PSD3: variants seen among roughly 807,000 people sequenced by gnomAD.
PSD3 encodes the protein PH and SEC7 domain-containing protein 3.
Under a neutral mutation model 105.5 loss-of-function variants are expected in PSD3, and 49 were observed. The observed-to-expected ratio is 0.46, with a 90% CI of 0.37 to 0.59. PSD3 has a LOEUF of 0.59. PSD3 is among the 20% of genes least tolerant of loss of function. PSD3 has a pLI of 0.00. For synonymous variants in PSD3, 557 were observed against 457.8 expected (o/e 1.22, Z -2.77); for missense variants, 1,561 against 1,263.8 (o/e 1.24, Z -3.57).
chr8:19,057,680 C>T (rs1828757400), intron 1 of PSD3, among the ~76,000 whole-genome samples: 2 of 152,096 alleles, frequency 1.3e-5, no homozygotes, highest in African/African-American at 4.8e-5. Context: ...AGAGGGCCTC[C>T]AAGACCCCAA....
At chr8:18,970,951 C>A (rs1210737655) in intron 1 of PSD3, among the ~76,000 whole-genome samples, 1 of 150,834 alleles carries the variant, frequency 6.6e-6, no homozygotes, top group African/African-American at 2.5e-5. Flanking sequence ...TGCACTCCAC[C>A]CTAAGTAAAA....
intron 9 of PSD3, among the ~76,000 whole-genome samples, chr8:18,667,011 G>GT (rs1376450026): frequency 6.6e-6 from 1 of 152,120 alleles, no homozygotes; most frequent in East Asian, 1.9e-4. Flanking sequence ...TGTGTTGGGA[G>GT]TTTTTTCCTT....
intron 9 of PSD3, among the ~76,000 whole-genome samples, chr8:18,657,271 T>G (rs1454481887): frequency 6.6e-6 from 1 of 152,208 alleles, no homozygotes; most frequent in African/African-American, 2.4e-5. Flanking sequence ...AATAGTAAAT[T>G]CACTTTTCAG....
chr8:19,013,691 TCCCGGGACTGCCGAGAGGCGGCGG>T, exon 1 of PSD3: 1 of 1,002,216 alleles, frequency 1.0e-6, no homozygotes, highest in Non-Finnish European at 1.3e-6. Flanking sequence ...TTTGTTGAGC[TCCCGGGACTGCCGAGAGGCGGCGG>T]CCCGCGCGCA....
chr8:19,037,100 G>A (rs1349840043), intron 1 of PSD3, among the ~76,000 whole-genome samples: 1 of 152,208 alleles, frequency 6.6e-6, no homozygotes, highest in African/African-American at 2.4e-5. Flanking sequence ...CTATTGCCAG[G>A]TAACGTATTT....
rs553833772 is a variant in PSD3 at position 18,941,721 on chromosome 8, G to A, written c.22-5579C>T. 2.2e-5 allele frequency among the ~76,000 whole-genome samples: 3 copies of A among 135,344 alleles called. No homozygotes were observed. The South Asian group carries it at 6.9e-4, about 31-fold the overall frequency. The allele number at this position is 135,344 out of a possible 152,430, so 88.8% of individuals were successfully genotyped here. On this transcript the variant is annotated intron_variant, in intron 1 of 15. Transcript: ENST00000327040. ...AGATTCTCACTCTGTCACCCAGGCT[G>A]GAGTGCAATGGTACAATCTTGGCTC...
intron 11 of PSD3, among the ~76,000 whole-genome samples, chr8:18,603,989 T>C (rs1228498201): frequency 6.6e-6 from 1 of 152,200 alleles, no homozygotes; most frequent in African/African-American, 2.4e-5. Context: ...GTTTTCTTTA[T>C]AGCAGTATGA....
chr8:18,866,726 G>A (rs780032965), intron 4 of PSD3, among the ~76,000 whole-genome samples: 1 of 151,134 alleles, frequency 6.6e-6, no homozygotes, highest in Non-Finnish European at 1.5e-5. Context: ...CTCAGCACAG[G>A]GCAGACTGCT....
At chr8:18,640,624 C>T (rs1031684783) in intron 10 of PSD3, among the ~76,000 whole-genome samples, 8 of 152,194 alleles carry the variant, frequency 5.3e-5, no homozygotes, top group African/African-American at 1.7e-4. Flanking sequence ...GAGGCCTTCC[C>T]ACCTCTGCGG....
At chr8:18,878,484 C>T (rs929878022) in intron 2 of PSD3, among the ~76,000 whole-genome samples, 2 of 152,278 alleles carry the variant, frequency 1.3e-5, no homozygotes, top group African/African-American at 4.8e-5. Context: ...AGGAGGCAGC[C>T]CATGAATACC....
rs141598557 is a variant in PSD3, at chr8:18,965,515, C to A, written c.22-29373G>T. Among the ~76,000 whole-genome samples, 4 of 152,272 alleles carry A rather than the reference C, an allele frequency of 2.6e-5. No individual in the cohort carries two copies. The East Asian group carries it at 7.7e-4, about 29-fold the overall frequency. ...CACGCTAGTGAGAAAGGACCCATGC[C>A]CGGTTGCCACTGTGACCATTTACTA... On this transcript the variant is annotated intron_variant, in intron 1 of 15. Coordinates refer to ENST00000327040, the MANE Select transcript of PSD3 (RefSeq NM_015310.4).
In PSD3 at chr8:18,535,888, C is replaced by T. The variant is rs749536396; in HGVS notation, c.2999G>A (p.Ser1000Asn). The change falls in exon 16 of 16, where the codon AGC becomes AAC. Residue 1000 changes from serine to asparagine, a missense_variant. Ser to Asn is a conservative substitution (Grantham distance 46). Coordinates refer to ENST00000327040, the MANE Select transcript of PSD3 (RefSeq NM_015310.4). Reference sequence around the variant, plus strand: ...CGACTTCTTCAGTCCTGCAGCCTCGCTTTCATCGTTACTCAGTAGCTCTTT... The same window carrying T: ...CGACTTCTTCAGTCCTGCAGCCTCGTTTTCATCGTTACTCAGTAGCTCTTT... ...GGKELLSNDE[S>N]EAAGLKKSHS... 1.9e-6 allele frequency: 3 copies of T among 1,614,188 alleles called. No individual in the cohort carries two copies. Among genetic ancestry groups the T allele is most frequent in the South Asian group, 1.1e-5 (1 of 91,078 alleles).
intron 4 of PSD3, among the ~76,000 whole-genome samples, chr8:18,859,484 G>A (rs560883975): frequency 6.6e-6 from 1 of 152,134 alleles, no homozygotes; most frequent in Non-Finnish European, 1.5e-5. Context: ...TTTAAGAAAA[G>A]GCGATGCCTC....
At chr8:18,990,529 T>G (rs1825734460) in intron 1 of PSD3, among the ~76,000 whole-genome samples, 1 of 152,204 alleles carries the variant, frequency 6.6e-6, no homozygotes, top group Non-Finnish European at 1.5e-5. Context: ...CAGCAATCCT[T>G]CTCCTGGTAA....
At chr8:18,820,941 G>A (rs1281655407) in intron 4 of PSD3, among the ~76,000 whole-genome samples, 3 of 152,020 alleles carry the variant, frequency 2.0e-5, no homozygotes, top group African/African-American at 7.3e-5. Context: ...GTAGACACAG[G>A]GGCTCATGAT....
chr8:19,074,122 G>A (rs1203828734), intron 1 of PSD3, among the ~76,000 whole-genome samples: 1 of 152,142 alleles, frequency 6.6e-6, no homozygotes, highest in Non-Finnish European at 1.5e-5. Context: ...CCTCAAGATT[G>A]CAGTCTTGCG....
At chr8:18,550,798 A>C (rs1195505591) in intron 15 of PSD3, among the ~76,000 whole-genome samples, 3 of 152,158 alleles carry the variant, frequency 2.0e-5, no homozygotes, top group Admixed American at 2.0e-4. Context: ...CCACGAAAAA[A>C]AGAAAAGTCT....
intron 2 of PSD3, among the ~76,000 whole-genome samples, chr8:18,917,018 T>G (rs1466333027): frequency 6.6e-6 from 1 of 152,152 alleles, no homozygotes; most frequent in Non-Finnish European, 1.5e-5. Context: ...CATGGGCATC[T>G]CCTACGCAAC....
At chr8:18,997,502 C>T (rs968821241) in intron 1 of PSD3, among the ~76,000 whole-genome samples, 1 of 152,010 alleles carries the variant, frequency 6.6e-6, no homozygotes, top group African/African-American at 2.4e-5. Context: ...AGTCTATTCT[C>T]ATGAGACACA....
Sources: allele counts gnomAD v4.1 joint callset (sites outside exome capture counted in the v4.1 genomes callset), GRCh38; gene constraint gnomAD v4.1.1; transcripts MANE v1.5; gene names NCBI Gene and HGNC (gene_info 2026-07-23, HGNC 2026-07-21).